LINGO2: variants seen among roughly 807,000 people sequenced by gnomAD.
LINGO2 encodes the protein leucine rich repeat and Ig domain containing 2, also known as leucine-rich repeat and immunoglobulin-like domain-containing nogo receptor-interacting protein 2.
LINGO2 carries 14 observed loss-of-function variants against 30.6 expected under a neutral mutation model. The ratio of observed to expected loss-of-function variants is 0.46; its 90% CI spans 0.30 to 0.72. The LOEUF is 0.72. Ranked by LOEUF, LINGO2 falls within the 30% of genes least tolerant of loss-of-function variation. LINGO2 has a pLI of 0.07. For missense variants in LINGO2, 729 were observed against 751.7 expected, an observed-to-expected ratio of 0.97 and a Z score of 0.35; for synonymous variants, 317 against 288.5, an observed-to-expected ratio of 1.10 and a Z score of -1.00.
At chr9:28,348,866 G>C (rs992374300) in intron 3 of LINGO2, among the ~76,000 whole-genome samples, 1 of 152,036 alleles carries the variant, frequency 6.6e-6, no homozygotes, top group Non-Finnish European at 1.5e-5. Context: ...GCCTAACTGG[G>C]AGGCACCCCC....
the LINGO2 span, among the ~76,000 whole-genome samples, chr9:28,694,980 T>G: frequency 6.6e-6 from 1 of 151,594 alleles, no homozygotes; most frequent in South Asian, 2.1e-4. Context: ...TGCAGCTTAT[T>G]GAATTTACTG....
intron 1 of LINGO2, among the ~76,000 whole-genome samples, chr9:28,635,943 T>A (rs1424907228): frequency 1.3e-5 from 2 of 152,116 alleles, no homozygotes; most frequent in African/African-American, 4.8e-5. Flanking sequence ...CATTTAACAT[T>A]AGATATATCT....
intron 1 of LINGO2, among the ~76,000 whole-genome samples, chr9:28,586,921 T>G (rs559983166): frequency 2.0e-5 from 3 of 152,112 alleles, no homozygotes; most frequent in Admixed American, 2.0e-4. Flanking sequence ...TTCAGGGGCT[T>G]TTCAAAGTGA....
intron 3 of LINGO2, among the ~76,000 whole-genome samples, chr9:28,303,294 A>C (rs1400860882): frequency 1.3e-5 from 2 of 152,138 alleles, no homozygotes; most frequent in Non-Finnish European, 2.9e-5. Context: ...TTTTATTAGG[A>C]AGTTGTTGCT....
At chr9:28,538,566 A>G (rs540487932) in intron 1 of LINGO2, among the ~76,000 whole-genome samples, 53 of 152,344 alleles carry the variant, frequency 3.5e-4, no homozygotes, top group African/African-American at 1.2e-3. Flanking sequence ...ATTACAAAAT[A>G]CCATAAACTG....
intron 2 of LINGO2, among the ~76,000 whole-genome samples, chr9:28,380,493 T>C (rs1587578781): frequency 6.8e-6 from 1 of 147,764 alleles, no homozygotes. Context: ...AAGTAGGAGG[T>C]GGCAGTCTTC....
intron 4 of LINGO2, among the ~76,000 whole-genome samples, chr9:28,098,631 A>G (rs1043511800): frequency 3.3e-5 from 5 of 152,148 alleles, no homozygotes; most frequent in Non-Finnish European, 7.3e-5. Context: ...ATGTGTGGAT[A>G]CTGGTCACTG....
At chr9:29,144,059 G>A in the LINGO2 span, among the ~76,000 whole-genome samples, 35,748 of 151,940 alleles carry the variant, frequency 0.24, 4,328 homozygotes, top group East Asian at 0.4. Flanking sequence ...GGTCAGATTC[G>A]TTTAATAGCA....
At chr9:29,209,037 A>G in the LINGO2 span, among the ~76,000 whole-genome samples, 3 of 152,132 alleles carry the variant, frequency 2.0e-5, no homozygotes, top group Non-Finnish European at 4.4e-5. Context: ...CTAAAATATG[A>G]TACTTATTTC....
the LINGO2 span, among the ~76,000 whole-genome samples, chr9:28,931,248 C>T: frequency 3.3e-4 from 51 of 152,252 alleles, no homozygotes; most frequent in East Asian, 7.9e-3. Flanking sequence ...CGTGAAAACC[C>T]TAAACAGCAT....
the LINGO2 span, among the ~76,000 whole-genome samples, chr9:29,074,413 C>T: frequency 6.6e-6 from 1 of 152,044 alleles, no homozygotes; most frequent in African/African-American, 2.4e-5. Context: ...ACTTTAGTGA[C>T]ACTAATTTTC....
intron 1 of LINGO2, among the ~76,000 whole-genome samples, chr9:28,591,374 G>A (rs1824901200): frequency 6.6e-6 from 1 of 151,844 alleles, no homozygotes; most frequent in African/African-American, 2.4e-5. Flanking sequence ...CAGTCTGCTT[G>A]ACAATCTACA....
chr9:28,208,314 C>A (rs1332896917), intron 4 of LINGO2, among the ~76,000 whole-genome samples: 1 of 152,024 alleles, frequency 6.6e-6, no homozygotes, highest in Non-Finnish European at 1.5e-5. Context: ...GAACTATATG[C>A]AACTGAATTT....
chr9:28,522,172 C>T (rs1325161772), intron 1 of LINGO2, among the ~76,000 whole-genome samples: 1 of 152,144 alleles, frequency 6.6e-6, no homozygotes, highest in Non-Finnish European at 1.5e-5. Flanking sequence ...TGCAAGAAAG[C>T]TAGCAGTGGC....
intron 4 of LINGO2, among the ~76,000 whole-genome samples, chr9:28,185,334 A>G (rs1023382524): frequency 1.3e-5 from 2 of 152,098 alleles, no homozygotes; most frequent in African/African-American, 4.8e-5. Flanking sequence ...TATTGTAATA[A>G]ATTCTCTCTT....
At chr9:28,771,455 GT>G in the LINGO2 span, among the ~76,000 whole-genome samples, 46 of 67,698 alleles carry the variant, frequency 6.8e-4, no homozygotes, top group African/African-American at 2.6e-3. Flanking sequence ...CCTATTTGGT[GT>G]GTGTGTGTGT....
At chr9:28,420,073 T>C (rs957382247) in intron 2 of LINGO2, among the ~76,000 whole-genome samples, 3 of 152,094 alleles carry the variant, frequency 2.0e-5, no homozygotes, top group African/African-American at 7.2e-5. Flanking sequence ...AAGAATAGAA[T>C]TCATCTTTTT....
At chr9:28,950,704 C>A in the LINGO2 span, among the ~76,000 whole-genome samples, 2 of 152,070 alleles carry the variant, frequency 1.3e-5, no homozygotes, top group Non-Finnish European at 2.9e-5. Flanking sequence ...TGAAGGACCT[C>A]TTCAAGAAGA....
intron 2 of LINGO2, among the ~76,000 whole-genome samples, chr9:28,468,123 T>C (rs1352802065): frequency 1.3e-5 from 2 of 152,148 alleles, no homozygotes; most frequent in South Asian, 4.1e-4. Flanking sequence ...GTATATCTGA[T>C]AGTCAAAAAT....
Sources: allele counts gnomAD v4.1 joint callset (sites outside exome capture counted in the v4.1 genomes callset), GRCh38; gene constraint gnomAD v4.1.1; transcripts MANE v1.5; gene names NCBI Gene and HGNC (gene_info 2026-07-23, HGNC 2026-07-21).